Variants in KLHL32 observed in about 807,000 individuals in gnomAD.
KLHL32 encodes kelch-like protein 32.
Under a neutral mutation model 64.8 loss-of-function variants are expected in KLHL32, and 35 were observed. That is an observed-to-expected ratio of 0.54 (90% confidence interval 0.41 to 0.72). The LOEUF is 0.72. KLHL32 is among the 30% of genes least tolerant of loss of function. The pLI, the probability that KLHL32 is intolerant of heterozygous loss-of-function variation, is 0.00. For missense variants in KLHL32, 589 were observed against 768.5 expected (o/e 0.77, Z 2.76); for synonymous variants, 259 against 281.0 (o/e 0.92, Z 0.78).
chr6:96,982,385 A>G (rs747950019), intron 3 of KLHL32, among the ~76,000 whole-genome samples: 1 of 151,324 alleles, frequency 6.6e-6, no homozygotes, highest in Non-Finnish European at 1.5e-5. Flanking sequence ...GCTTTTTTCC[A>G]TTTTCTGTTT....
At chr6:97,087,936 A>G (rs1173900137) in intron 6 of KLHL32, among the ~76,000 whole-genome samples, 1 of 152,156 alleles carries the variant, frequency 6.6e-6, no homozygotes, top group African/African-American at 2.4e-5. Context: ...CACGGTAATC[A>G]TTCTGTGGAT....
At chr6:97,108,793 T>G (rs1253683775) in intron 6 of KLHL32, among the ~76,000 whole-genome samples, 2 of 152,160 alleles carry the variant, frequency 1.3e-5, no homozygotes, top group Non-Finnish European at 2.9e-5. Flanking sequence ...AGAACCAAGG[T>G]CTCAAAAAAT....
At chr6:96,947,141 A>T (rs1772015510) in intron 1 of KLHL32, among the ~76,000 whole-genome samples, 2 of 152,232 alleles carry the variant, frequency 1.3e-5, no homozygotes, top group Non-Finnish European at 2.9e-5. Context: ...AAATGAAACA[A>T]ACATAACCAG....
At chr6:97,116,458 A>T (rs1797816637) in intron 7 of KLHL32, among the ~76,000 whole-genome samples, 1 of 152,192 alleles carries the variant, frequency 6.6e-6, no homozygotes, top group Non-Finnish European at 1.5e-5. Flanking sequence ...AATGCCATTT[A>T]TGTTTTCTCC....
At chr6:97,059,357 G>A (rs913109150) in intron 4 of KLHL32, among the ~76,000 whole-genome samples, 8 of 152,198 alleles carry the variant, frequency 5.3e-5, no homozygotes, top group Admixed American at 3.3e-4. Context: ...TTTAACAGCA[G>A]GTTGGGGCTA....
At chr6:96,985,976 C>T (rs115456652) in intron 3 of KLHL32, among the ~76,000 whole-genome samples, 3,417 of 152,248 alleles carry the variant, frequency 0.022, 82 homozygotes, top group African/African-American at 0.063. Context: ...AGCTTCTCTG[C>T]TCTGTTTTTT....
chr6:96,945,429 G>T (rs780381401), intron 1 of KLHL32, among the ~76,000 whole-genome samples: 1 of 152,220 alleles, frequency 6.6e-6, no homozygotes, highest in Non-Finnish European at 1.5e-5. Flanking sequence ...CTTGTGGAGA[G>T]AATAAAGGTG....
chr6:97,061,345 GCCCGCCCCAT>G (rs1582889686), intron 4 of KLHL32, among the ~76,000 whole-genome samples: 1 of 132,658 alleles, frequency 7.5e-6, no homozygotes, highest in East Asian at 2.3e-4. Context: ...ACTTCCCCCA[GCCCGCCCCAT>G]CCCGCCCCTG....
chr6:97,074,538 A>C (rs1171245032), intron 5 of KLHL32, among the ~76,000 whole-genome samples: 2 of 152,152 alleles, frequency 1.3e-5, no homozygotes, highest in Admixed American at 6.6e-5. Context: ...CAAACAAAAA[A>C]ACCTTCCAGG....
intron 2 of KLHL32, among the ~76,000 whole-genome samples, chr6:96,971,731 GGT>G (rs1472963995): frequency 6.6e-6 from 1 of 151,954 alleles, no homozygotes; most frequent in Non-Finnish European, 1.5e-5. Flanking sequence ...ACAGTGTTCA[GGT>G]GGAAAAAAAC....
intron 6 of KLHL32, among the ~76,000 whole-genome samples, chr6:97,096,083 G>C (rs901012991): frequency 6.6e-6 from 1 of 151,960 alleles, no homozygotes; most frequent in African/African-American, 2.4e-5. Flanking sequence ...TTATTTTATA[G>C]GTCTTCTTTT....
At chr6:96,911,561 T>C in the KLHL32 span, among the ~76,000 whole-genome samples, 1 of 152,146 alleles carries the variant, frequency 6.6e-6, no homozygotes, top group African/African-American at 2.4e-5. Flanking sequence ...TCTCTTCCCC[T>C]GTCAAAGTCA....
chr6:97,052,193 A>G (rs1347577953), intron 4 of KLHL32, among the ~76,000 whole-genome samples: 1 of 152,356 alleles, frequency 6.6e-6, no homozygotes, highest in East Asian at 1.9e-4. Context: ...TCCAAAAGAC[A>G]TAATGAAGTA....
At chr6:97,087,667 G>A (rs1035243902) in intron 6 of KLHL32, among the ~76,000 whole-genome samples, 8 of 152,190 alleles carry the variant, frequency 5.3e-5, no homozygotes, top group African/African-American at 1.9e-4. Context: ...TGTGCAACCA[G>A]TAACTTAGAT....
chr6:97,116,468 C>T (rs1797817034), intron 7 of KLHL32, among the ~76,000 whole-genome samples: 1 of 152,072 alleles, frequency 6.6e-6, no homozygotes, highest in African/African-American at 2.4e-5. Context: ...ATGTTTTCTC[C>T]CAATTGACAT....
At chr6:97,063,456 G>A (rs942939480) in intron 4 of KLHL32, among the ~76,000 whole-genome samples, 2 of 152,172 alleles carry the variant, frequency 1.3e-5, no homozygotes, top group Admixed American at 6.5e-5. Context: ...GCACACAAGT[G>A]GACTGTTGGG....
At chr6:97,135,347 C>T (rs1799884385) in intron 10 of KLHL32, among the ~76,000 whole-genome samples, 1 of 135,268 alleles carries the variant, frequency 7.4e-6, no homozygotes, top group Admixed American at 8.3e-5. Flanking sequence ...GCTCTGTCAC[C>T]CAGGCTGGAG....
chr6:96,903,692 T>C, the KLHL32 span, among the ~76,000 whole-genome samples: 1 of 152,196 alleles, frequency 6.6e-6, no homozygotes, highest in South Asian at 2.1e-4. Context: ...GCTCCAGAAA[T>C]TAAGGCAGTT....
chr6:97,119,567 A>T (rs921547644), intron 7 of KLHL32, among the ~76,000 whole-genome samples: 2 of 152,220 alleles, frequency 1.3e-5, no homozygotes, highest in East Asian at 3.8e-4. Context: ...AAACTAGAAT[A>T]CAGTAGTTTA....
Sources: gnomAD v4.1 joint callset for allele counts (sites outside exome capture counted in the v4.1 genomes callset) on GRCh38, gnomAD v4.1.1 for gene constraint, MANE v1.5 for transcripts, NCBI Gene and HGNC (gene_info 2026-07-23, HGNC 2026-07-21) for gene names.